Variants in MSI2 observed in about 807,000 individuals in gnomAD.
The protein encoded by MSI2 is RNA-binding protein Musashi homolog 2.
In MSI2, 17 loss-of-function variants were observed where a neutral mutation model predicts 45.6. That is an observed-to-expected ratio of 0.37 (90% CI 0.26 to 0.56). The LOEUF (loss-of-function observed/expected upper bound fraction) is 0.56, where lower values mean the gene tolerates loss of function less well. MSI2 is among the 20% of genes least tolerant of loss of function. The pLI is 0.77. For missense variants in MSI2, 293 were observed against 444.2 expected (o/e 0.66, Z 3.06); for synonymous variants, 156 against 158.2 (o/e 0.99, Z 0.11).
chr17:57,688,277 G>A (rs1288155868), downstream of MSI2, among the ~76,000 whole-genome samples: 1 of 152,014 alleles, frequency 6.6e-6, no homozygotes, highest in African/African-American at 2.4e-5. Context: ...AAAATAAAAT[G>A]AATACAGAAA....
chr17:57,616,300 TG>T, intron 9 of MSI2: 1 of 440,912 alleles, frequency 2.3e-6, no homozygotes, highest in South Asian at 4.7e-5. Context: ...TGTGTGTGTG[TG>T]TGTTTGTATT....
At chr17:57,270,664 T>C (rs1395773930) in intron 5 of MSI2, among the ~76,000 whole-genome samples, 1 of 152,142 alleles carries the variant, frequency 6.6e-6, no homozygotes, top group Non-Finnish European at 1.5e-5. Context: ...GTCCCTCCAT[T>C]GTAGAATTGC....
chr17:57,389,507 G>A (rs949335961), intron 5 of MSI2, among the ~76,000 whole-genome samples: 1 of 152,118 alleles, frequency 6.6e-6, no homozygotes, highest in African/African-American at 2.4e-5. Context: ...GTCATGCCCA[G>A]CCCTGTGCTC....
At chr17:57,605,497 C>A (rs1906456120) in intron 8 of MSI2, among the ~76,000 whole-genome samples, 1 of 152,176 alleles carries the variant, frequency 6.6e-6, no homozygotes, top group Admixed American at 6.5e-5. Flanking sequence ...GAACGTGCTG[C>A]CACCAGCGTC....
chr17:57,638,987 G>A (rs1910044816), intron 10 of MSI2, among the ~76,000 whole-genome samples: 6 of 152,186 alleles, frequency 3.9e-5, no homozygotes, highest in African/African-American at 1.4e-4. Context: ...TGGACATCTG[G>A]TGAGGACCAC....
downstream of MSI2, among the ~76,000 whole-genome samples, chr17:57,688,902 C>A (rs146642882): frequency 2.7e-3 from 413 of 152,196 alleles, 2 homozygotes; most frequent in African/African-American, 9.8e-3. Flanking sequence ...AAGTGTGACT[C>A]TATGAAAATA....
chr17:57,603,630 A>G (rs975713780), intron 8 of MSI2, among the ~76,000 whole-genome samples: 1 of 152,262 alleles, frequency 6.6e-6, no homozygotes, highest in African/African-American at 2.4e-5. Context: ...GCCAGGGGCC[A>G]GCAAATTTTC....
chr17:57,440,413 C>CATGT (rs1491418144), intron 6 of MSI2, among the ~76,000 whole-genome samples: 2 of 104,596 alleles, frequency 1.9e-5, no homozygotes, highest in Admixed American at 1.1e-4. Flanking sequence ...GTTTGTTATC[C>CATGT]GTGTGTGTGT....
rs1376140807 is a variant in MSI2, at chr17:57,420,502, G to C, written c.405+19031G>C. Among the ~76,000 whole-genome samples the C allele has an allele frequency of 1.3e-5, 2 of 152,218 alleles. 1 individual carries two copies. The highest frequency in any genetic ancestry group is 3.8e-4 in the East Asian group (2 of 5,198). On this transcript the variant is annotated intron_variant, in intron 6 of 13. Transcript: ENST00000284073. ...CCATGTTTCAAATTTAGGATCTCTT[G>C]AAGAGTCTCCGAGACCGTTACCAAG...
At chr17:57,373,452 G>T (rs2083449734) in intron 5 of MSI2, among the ~76,000 whole-genome samples, 2 of 152,136 alleles carry the variant, frequency 1.3e-5, no homozygotes, top group Non-Finnish European at 2.9e-5. Flanking sequence ...AAGAACAAAG[G>T]CCGTGTGTTA....
rs891665151 is a variant in MSI2, at chr17:57,378,273, A to AT, written c.313-23098dup. On this transcript the variant is annotated intron_variant, in intron 5 of 13. Transcript: ENST00000284073. ...CTAAATTTTGTTTTTTGTTTTTATTATTTTTTTTGAGATAGAGTCTCACTC... is the reference window on the plus strand; with the variant it reads ...CTAAATTTTGTTTTTTGTTTTTATTATTTTTTTTTGAGATAGAGTCTCACTC... 2.6e-5 allele frequency among the ~76,000 whole-genome samples: 4 copies of AT among 150,948 alleles called. No homozygotes were observed. In the South Asian group the frequency reaches 6.3e-4, roughly 24 times the overall value.
At position 57,367,810 on chromosome 17, in the gene MSI2, C is replaced by T. The variant is rs577789678; in HGVS notation, c.313-33569C>T. ...AGGGTTGGAGTTGCCATTGTGAAGG[C>T]CTGTGTGTGTAGAGGTACCATGCTG... On this transcript the variant is annotated intron_variant, in intron 5 of 13. Coordinates refer to ENST00000284073, the MANE Select transcript of MSI2 (RefSeq NM_138962.4). Among the ~76,000 whole-genome samples the T allele has an allele frequency of 5.3e-5, 8 of 152,226 alleles. No homozygotes were observed. The South Asian group carries it at 1.7e-3, about 32-fold the overall frequency.
intron 5 of MSI2, among the ~76,000 whole-genome samples, chr17:57,359,739 C>T (rs867941381): frequency 6.6e-6 from 1 of 152,220 alleles, no homozygotes; most frequent in African/African-American, 2.4e-5. Context: ...GAAGCCCTGT[C>T]GAGCCCTTGG....
intron 6 of MSI2, among the ~76,000 whole-genome samples, chr17:57,527,568 G>A (rs886095472): frequency 3.3e-5 from 5 of 152,246 alleles, no homozygotes; most frequent in Non-Finnish European, 7.3e-5. Context: ...TGGTGCCTGG[G>A]AGAGAGGGGG....
chr17:57,441,649 A>G (rs1158547614), intron 6 of MSI2, among the ~76,000 whole-genome samples: 1 of 152,170 alleles, frequency 6.6e-6, no homozygotes, highest in Non-Finnish European at 1.5e-5. Context: ...ATCTCTCACC[A>G]GGGTCCCTTT....
At chr17:57,282,701 C>T (rs370130095) in intron 5 of MSI2, among the ~76,000 whole-genome samples, 28 of 151,324 alleles carry the variant, frequency 1.9e-4, no homozygotes, top group Admixed American at 1.4e-3. Context: ...TCTCTGTCAC[C>T]GTAGGTAGAT....
chr17:57,580,985 A>G (rs561989004), intron 7 of MSI2, among the ~76,000 whole-genome samples: 7 of 140,526 alleles, frequency 5.0e-5, no homozygotes, highest in Admixed American at 4.5e-4. Flanking sequence ...TCCCCATGCC[A>G]GCCCCATGAG....
chr17:57,589,684 C>G (rs751244845), intron 7 of MSI2, among the ~76,000 whole-genome samples: 1 of 152,244 alleles, frequency 6.6e-6, no homozygotes, highest in Non-Finnish European at 1.5e-5. Context: ...GCCACCAAAT[C>G]CATCCCTGAA....
At chr17:57,622,976 CG>C (rs1949359285) in intron 9 of MSI2, among the ~76,000 whole-genome samples, 1 of 152,096 alleles carries the variant, frequency 6.6e-6, no homozygotes, top group South Asian at 2.1e-4. Flanking sequence ...CGCCTGTGCA[CG>C]GTAGCTGCTG....
Sources: allele counts gnomAD v4.1 joint callset (sites outside exome capture counted in the v4.1 genomes callset), GRCh38; gene constraint gnomAD v4.1.1; transcripts MANE v1.5; gene names NCBI Gene and HGNC (gene_info 2026-07-23, HGNC 2026-07-21).